PKP4: variants seen among roughly 807,000 people sequenced by gnomAD.
The protein encoded by PKP4 is plakophilin-4.
In PKP4, 90 loss-of-function variants were observed where a neutral mutation model predicts 145.1. That is an observed-to-expected ratio of 0.62 (90% CI 0.52 to 0.74). The LOEUF (loss-of-function observed/expected upper bound fraction) is 0.74, where lower values mean the gene tolerates loss of function less well. Among genes scored for constraint, PKP4 ranks in the 30% least tolerant of loss-of-function variants. The pLI is 0.00. For synonymous variants in PKP4, 563 were observed against 577.2 expected (o/e 0.98, Z 0.35); for missense variants, 1,340 against 1,482.7 (o/e 0.90, Z 1.58).
At chr2:158,648,866 G>A (rs924178573) in intron 11 of PKP4, among the ~76,000 whole-genome samples, 3 of 148,032 alleles carry the variant, frequency 2.0e-5, no homozygotes, top group African/African-American at 7.3e-5. Flanking sequence ...AGGTGTGGTG[G>A]CACATGCCTG....
intron 1 of PKP4, among the ~76,000 whole-genome samples, chr2:158,531,330 C>G (rs535757580): frequency 6.6e-6 from 1 of 152,080 alleles, no homozygotes; most frequent in Non-Finnish European, 1.5e-5. Context: ...ATACTCTTGA[C>G]ATTTAAAATT....
At chr2:158,539,448 A>T (rs764336543) in intron 2 of PKP4, among the ~76,000 whole-genome samples, 3 of 152,250 alleles carry the variant, frequency 2.0e-5, no homozygotes, top group Non-Finnish European at 4.4e-5. Context: ...TCAATGAAAT[A>T]GTCCTCTCTG....
At chr2:158,554,437 T>A (rs1291219366) in intron 2 of PKP4, among the ~76,000 whole-genome samples, 1 of 151,070 alleles carries the variant, frequency 6.6e-6, no homozygotes, top group African/African-American at 2.4e-5. Context: ...TTATTTTTTT[T>A]TTTTTTGAGA....
chr2:158,553,703 A>AT lies in PKP4; in HGVS notation c.132+20396dup, dbSNP rs201014561. 6.0e-4 allele frequency among the ~76,000 whole-genome samples: 91 copies of AT among 151,222 alleles called. No individual in the cohort carries two copies. In the East Asian group the frequency reaches 6.6e-3, roughly 11 times the overall value. On this transcript the variant is annotated intron_variant, in intron 2 of 21. Coordinates refer to ENST00000389759, the MANE Select transcript of PKP4 (RefSeq NM_003628.6). ...GAAAGGTGGCTCCTTTATTCTTTAC[A>AT]TTTTTTTTTCCTTTTGGAATGGGAG...
intron 1 of PKP4, among the ~76,000 whole-genome samples, chr2:158,506,221 A>G (rs1346699626): frequency 6.6e-6 from 1 of 152,202 alleles, no homozygotes; most frequent in African/African-American, 2.4e-5. Context: ...TCTGCAGTGC[A>G]GTCCTTGATG....
At chr2:158,574,441 C>T (rs1414893794) in intron 2 of PKP4, among the ~76,000 whole-genome samples, 2 of 152,000 alleles carry the variant, frequency 1.3e-5, no homozygotes, top group Non-Finnish European at 2.9e-5. Flanking sequence ...TCTTAATGAG[C>T]GTTATTTTGG....
At chr2:158,574,731 A>G (rs2047699474) in intron 2 of PKP4, among the ~76,000 whole-genome samples, 1 of 152,222 alleles carries the variant, frequency 6.6e-6, no homozygotes. Context: ...TTAATGAAGT[A>G]CTACTTGTGA....
At chr2:158,523,186 A>G (rs1241532795) in intron 1 of PKP4, among the ~76,000 whole-genome samples, 1 of 147,942 alleles carries the variant, frequency 6.8e-6, no homozygotes, top group Non-Finnish European at 1.5e-5. Flanking sequence ...CAGGGCACAG[A>G]CAAACAAAAA....
chr2:158,659,212 G>C (rs924003149), intron 12 of PKP4: 1 of 152,582 alleles, frequency 6.6e-6, no homozygotes, highest in Non-Finnish European at 1.5e-5. Context: ...CCCTGGTCAG[G>C]GGGCAGTGTT....
chr2:158,675,266 C>T (rs1338006004), intron 19 of PKP4, among the ~76,000 whole-genome samples: 2 of 151,746 alleles, frequency 1.3e-5, no homozygotes, highest in Admixed American at 1.3e-4. Context: ...GATGGCTTTG[C>T]GGCCCAACAC....
intron 2 of PKP4, among the ~76,000 whole-genome samples, chr2:158,572,094 T>G (rs1422025655): frequency 3.3e-5 from 5 of 151,940 alleles, no homozygotes; most frequent in Non-Finnish European, 5.9e-5. Context: ...GAAAGAGATT[T>G]CACACCCAAT....
At chr2:158,538,989 T>C (rs2044299042) in intron 2 of PKP4, among the ~76,000 whole-genome samples, 2 of 152,232 alleles carry the variant, frequency 1.3e-5, no homozygotes, top group Admixed American at 6.5e-5. Flanking sequence ...CTTTTTACTC[T>C]GGTGAGGTCT....
intron 2 of PKP4, among the ~76,000 whole-genome samples, chr2:158,540,654 C>T (rs1352082141): frequency 6.6e-6 from 1 of 151,784 alleles, no homozygotes; most frequent in Admixed American, 6.6e-5. Context: ...TACTTTTGCC[C>T]CCTTTTAGTT....
chr2:158,477,186 GC>G, intron 1 of PKP4, among the ~76,000 whole-genome samples: 1 of 152,094 alleles, frequency 6.6e-6, no homozygotes, highest in East Asian at 1.9e-4. Context: ...AGAATCGCAA[GC>G]TTTTAGACCA....
chr2:158,663,943 A>G (rs1010699829), intron 15 of PKP4, among the ~76,000 whole-genome samples: 1 of 152,188 alleles, frequency 6.6e-6, no homozygotes, highest in Non-Finnish European at 1.5e-5. Flanking sequence ...TGGTGCAGAG[A>G]AGACGTGTGG....
intron 1 of PKP4, among the ~76,000 whole-genome samples, chr2:158,529,898 A>G (rs2043362449): frequency 6.6e-6 from 1 of 152,168 alleles, no homozygotes. Flanking sequence ...GAACTTGTAT[A>G]TGACTTGTAT....
rs558796822 is a variant in PKP4 at position 158,497,282 on chromosome 2, A to G, written c.-5-35898A>G. Reference sequence around the variant, plus strand: ...AAATGACTAGAGTGATATTCTAACAATACTTTCAGTGTTACGCAGTATTTG... The same window carrying G: ...AAATGACTAGAGTGATATTCTAACAGTACTTTCAGTGTTACGCAGTATTTG... On this transcript the variant is annotated intron_variant, in intron 1 of 21. Coordinates refer to ENST00000389759, the MANE Select transcript of PKP4 (RefSeq NM_003628.6). Among the ~76,000 whole-genome samples the G allele has an allele frequency of 9.9e-5, 15 of 152,094 alleles. No homozygotes were observed. The South Asian group carries it at 1.7e-3, about 17-fold the overall frequency.
At chr2:158,578,905 T>A (rs1309988496) in intron 3 of PKP4, among the ~76,000 whole-genome samples, 1 of 152,300 alleles carries the variant, frequency 6.6e-6, no homozygotes, top group Admixed American at 6.5e-5. Context: ...TTGAGCTACC[T>A]CTGTAGGAGA....
chr2:158,652,245 C>G (rs995202132), intron 11 of PKP4, among the ~76,000 whole-genome samples: 1 of 152,198 alleles, frequency 6.6e-6, no homozygotes, highest in Non-Finnish European at 1.5e-5. Flanking sequence ...TCAGTTTGGA[C>G]TAGCCATATT....
Sources: allele counts gnomAD v4.1 joint callset (sites outside exome capture counted in the v4.1 genomes callset), GRCh38; gene constraint gnomAD v4.1.1; transcripts MANE v1.5; gene names NCBI Gene and HGNC (gene_info 2026-07-23, HGNC 2026-07-21).